Variants in ANO3 observed in about 807,000 individuals in gnomAD.
ANO3 encodes the protein anoctamin 3.
Under a neutral mutation model 144.8 loss-of-function variants are expected in ANO3, and 99 were observed. That is an observed-to-expected ratio of 0.68 (90% confidence interval 0.58 to 0.81). ANO3 has a LOEUF of 0.81. Among genes scored for constraint, ANO3 ranks in the 30% least tolerant of loss-of-function variants. ANO3 has a pLI of 0.00. For missense variants in ANO3, 905 were observed against 1,202.2 expected (o/e 0.75, Z 3.66); for synonymous variants, 414 against 392.6 (o/e 1.05, Z -0.64).
intron 18 of ANO3, among the ~76,000 whole-genome samples, chr11:26,631,146 TCAGTA>T (rs546096962): frequency 4.6e-5 from 7 of 152,064 alleles, no homozygotes; most frequent in Non-Finnish European, 8.8e-5. Flanking sequence ...GTTAATCTCT[TCAGTA>T]CAGTGTTTGT....
chr11:26,438,610 A>AAAAAAAAAAAAAAAAAAAAAAAAAG (rs1565024969), intron 1 of ANO3, among the ~76,000 whole-genome samples: 6 of 73,844 alleles, frequency 8.1e-5, no homozygotes, highest in Admixed American at 2.0e-4. Context: ...AAAAAAAAAG[A>AAAAAAAAAAAAAAAAAAAAAAAAAG]AAAAAAAAAA....
At chr11:26,410,637 A>C (rs1857404615) in intron 1 of ANO3, among the ~76,000 whole-genome samples, 1 of 152,028 alleles carries the variant, frequency 6.6e-6, no homozygotes, top group Non-Finnish European at 1.5e-5. Flanking sequence ...CAAATATTTG[A>C]AGAGCTGTCA....
chr11:26,430,247 TAA>T (rs11439260), intron 1 of ANO3, among the ~76,000 whole-genome samples: 1 of 145,002 alleles, frequency 6.9e-6, no homozygotes, highest in Non-Finnish European at 1.5e-5. Context: ...AGCAACTGTC[TAA>T]AAAAAAAAAA....
intron 14 of ANO3, among the ~76,000 whole-genome samples, chr11:26,577,686 T>C (rs1483730498): frequency 6.6e-6 from 1 of 152,212 alleles, no homozygotes; most frequent in East Asian, 1.9e-4. Flanking sequence ...GCTGTGCTTT[T>C]TTCCAGCTAT....
chr11:26,628,925 T>A (rs1287043972), intron 18 of ANO3, among the ~76,000 whole-genome samples: 1 of 152,120 alleles, frequency 6.6e-6, no homozygotes, highest in Non-Finnish European at 1.5e-5. Flanking sequence ...TGATAGGACA[T>A]CTTACATGTC....
At chr11:26,291,153 C>T (rs12293778) in intron 1 of ANO3, among the ~76,000 whole-genome samples, 2,045 of 152,252 alleles carry the variant, frequency 0.013, 36 homozygotes, top group African/African-American at 0.047. Flanking sequence ...GATCCCTTTA[C>T]CATTATGTAA....
At chr11:26,488,711 G>A (rs534072259) in intron 4 of ANO3, among the ~76,000 whole-genome samples, 3 of 152,252 alleles carry the variant, frequency 2.0e-5, no homozygotes, top group Admixed American at 6.5e-5. Flanking sequence ...GCAGACCTTC[G>A]CAGTGAGTGT....
chr11:26,592,305 C>T (rs906929108), intron 14 of ANO3, among the ~76,000 whole-genome samples: 26 of 151,944 alleles, frequency 1.7e-4, no homozygotes, highest in Non-Finnish European at 2.8e-4. Context: ...TTCATTTTCT[C>T]GGCTTTTCCT....
chr11:26,302,777 T>C (rs10834960), intron 1 of ANO3, among the ~76,000 whole-genome samples: 38,443 of 152,110 alleles, frequency 0.25, 7,025 homozygotes, highest in African/African-American at 0.52. Flanking sequence ...CATATATATG[T>C]GTTTAGAAAT....
At chr11:26,330,361 C>T (rs912338253), upstream of ANO3, among the ~76,000 whole-genome samples, 2 of 152,098 alleles carry the variant, frequency 1.3e-5, no homozygotes, top group Admixed American at 6.5e-5. Flanking sequence ...AAAGCCCTTA[C>T]GGAGACAGTC....
intron 1 of ANO3, chr11:26,287,470 G>T (rs923888488): frequency 6.6e-6 from 1 of 152,112 alleles, no homozygotes; most frequent in Non-Finnish European, 1.5e-5. Flanking sequence ...TTTATCCAAG[G>T]TCACACAGTC....
chr11:26,258,688 A>G (rs1181434451), intron 1 of ANO3, among the ~76,000 whole-genome samples: 1 of 152,156 alleles, frequency 6.6e-6, no homozygotes, highest in Non-Finnish European at 1.5e-5. Context: ...TTCCTATCAA[A>G]TTTGAGTCTT....
At chr11:26,199,110 CTT>C (rs34396992) in intron 1 of ANO3, among the ~76,000 whole-genome samples, 9 of 147,694 alleles carry the variant, frequency 6.1e-5, no homozygotes, top group East Asian at 2.0e-4. Flanking sequence ...TAGGTTTCCA[CTT>C]TTTTTTTTTT....
chr11:26,592,223 A>G (rs1490456847), intron 14 of ANO3, among the ~76,000 whole-genome samples: 1 of 152,162 alleles, frequency 6.6e-6, no homozygotes, highest in Admixed American at 6.5e-5. Context: ...TAGTAAGGCT[A>G]TAGGCCACAG....
chr11:26,321,418 T>C (rs1854758587), intron 1 of ANO3, among the ~76,000 whole-genome samples: 2 of 152,048 alleles, frequency 1.3e-5, no homozygotes, highest in African/African-American at 2.4e-5. Flanking sequence ...CCCTGGAAAG[T>C]GTATTATTAT....
intron 14 of ANO3, among the ~76,000 whole-genome samples, chr11:26,573,399 C>T (rs1399847338): frequency 1.3e-5 from 2 of 152,110 alleles, no homozygotes; most frequent in Admixed American, 6.6e-5. Flanking sequence ...TTTAATCAAA[C>T]AGTTAGTTAC....
chr11:26,244,952 T>C (rs1322643766), intron 1 of ANO3, among the ~76,000 whole-genome samples: 1 of 151,160 alleles, frequency 6.6e-6, no homozygotes, highest in African/African-American at 2.4e-5. Context: ...TTATTTAATA[T>C]AGAAGAGTCT....
intron 1 of ANO3, among the ~76,000 whole-genome samples, chr11:26,366,950 C>T (rs1011685882): frequency 2.0e-5 from 3 of 151,776 alleles, no homozygotes; most frequent in Admixed American, 2.0e-4. Context: ...AGAAATAATA[C>T]CAAACATCTA....
chr11:26,329,438 C>T (rs1433315738), upstream of ANO3, among the ~76,000 whole-genome samples: 1 of 152,068 alleles, frequency 6.6e-6, no homozygotes, highest in Non-Finnish European at 1.5e-5. Context: ...CTAGCAACCT[C>T]CCCTAAAAGA....
Sources: allele counts gnomAD v4.1 joint callset (sites outside exome capture counted in the v4.1 genomes callset), GRCh38; gene constraint gnomAD v4.1.1; transcripts MANE v1.5; gene names NCBI Gene and HGNC (gene_info 2026-07-23, HGNC 2026-07-21).